ZSCAN12: variants seen among roughly 807,000 people sequenced by gnomAD.
The protein encoded by ZSCAN12 is zinc finger and SCAN domain containing 12.
A neutral mutation model predicts 23.4 loss-of-function variants in ZSCAN12; 18 were observed. That is an observed-to-expected ratio of 0.77 (90% CI 0.53 to 1.14). The LOEUF (loss-of-function observed/expected upper bound fraction) is 1.14, where lower values mean the gene tolerates loss of function less well. Among genes scored for constraint, ZSCAN12 ranks in the 50% most tolerant of loss-of-function variants. The pLI is 0.00. For missense variants in ZSCAN12, 650 were observed against 735.0 expected (o/e 0.88, Z 1.34); for synonymous variants, 186 against 253.4 (o/e 0.73, Z 2.53).
rs1371598100 is a variant in ZSCAN12, at chr6:28,391,657, ACTGGATGTCTTCC to A, written c.620_632del (p.Gly207ValfsTer22). 1.9e-6 allele frequency: 3 copies of A among 1,551,582 alleles called. No individual in the cohort carries two copies. In the Admixed American group the frequency reaches 5.9e-5, roughly 30 times the overall value. On this transcript the variant is annotated frameshift_variant, in exon 4 of 4. Coordinates refer to ENST00000684592, the MANE Select transcript of ZSCAN12 (RefSeq NM_001163391.2). LOFTEE classifies it low-confidence loss of function (END_TRUNC). This position sits in a 1 kb window ranked among gnomAD's most constrained non-coding sequence, Gnocchi z 4.1. ...ACTTGGACATATCATTTTCAAATTT[ACTGGATGTCTTCC>A]CATGTGGTTCCATTTCTTCAGAAAC...
At chr6:28,397,033 G>C (rs1157649773) in intron 2 of ZSCAN12, among the ~76,000 whole-genome samples, 1 of 152,082 alleles carries the variant, frequency 6.6e-6, no homozygotes, top group Non-Finnish European at 1.5e-5. Context: ...TTATACCGGG[G>C]TTTCCCAGCA....
Position 28,384,936 on chromosome 6 carries a change from A to G in ZSCAN12, c.*5518T>C, listed in dbSNP as rs957006626. Among the ~76,000 whole-genome samples the G allele has an allele frequency of 6.6e-6, 1 of 152,222 alleles. No homozygotes were observed. The highest frequency in any genetic ancestry group is 1.5e-5 in the Non-Finnish European group (1 of 68,038). ...AAAAGTTGGGAAGAGATTCAATTAA[A>G]GGCTATCGAATGATTATGTCTAGGT... On this transcript the variant is annotated 3_prime_UTR_variant, in exon 4 of 4. Transcript: ENST00000684592.
In ZSCAN12 at chr6:28,387,563, G is replaced by C. The variant is rs548601363; in HGVS notation, c.*2891C>G. On this transcript the variant is annotated 3_prime_UTR_variant, in exon 4 of 4. Coordinates refer to ENST00000684592, the MANE Select transcript of ZSCAN12 (RefSeq NM_001163391.2). ...GAGAAGAGTTTCTAACAGTGAAACA[G>C]CAAAAGAACTACCATAACTAACTCC... is the stretch of plus-strand genomic sequence containing the variant. 6.6e-6 allele frequency among the ~76,000 whole-genome samples: 1 copy of C among 152,304 alleles called. No homozygotes were observed. Among genetic ancestry groups the C allele is most frequent in the Admixed American group, 6.5e-5 (1 of 15,304 alleles).
intron 1 of ZSCAN12, 93 bp from the exon 2 acceptor site, chr6:28,398,566 T>A: frequency 1.5e-6 from 1 of 666,436 alleles, no homozygotes; most frequent in Non-Finnish European, 2.4e-6. Context: ...AAATCTGACC[T>A]CCGGATTAAT....
chr6:28,382,496 T>C, downstream of ZSCAN12: 1 of 1,551,896 alleles, frequency 6.4e-7, no homozygotes, highest in Non-Finnish European at 8.7e-7. Flanking sequence ...CTATTAGAGA[T>C]CTCTCCTGAA....
Position 28,389,223 on chromosome 6 carries a change from A to C in ZSCAN12, c.*1231T>G, listed in dbSNP as rs950882865. On this transcript the variant is annotated 3_prime_UTR_variant, in exon 4 of 4. Transcript: ENST00000684592. ...AGGCCCTCCCCTAAATAAACAAACAACACAAGGCCTTGCACTCAGAAGACC... is the reference window on the plus strand; with the variant it reads ...AGGCCCTCCCCTAAATAAACAAACACCACAAGGCCTTGCACTCAGAAGACC... Among the ~76,000 whole-genome samples, 1 of 152,154 alleles carries C rather than the reference A, an allele frequency of 6.6e-6. No individual in the cohort carries two copies. The highest frequency in any genetic ancestry group is 1.5e-5 in the Non-Finnish European group (1 of 68,028).
chr6:28,398,723 C>A (rs1761257045), intron 1 of ZSCAN12, among the ~76,000 whole-genome samples: 1 of 148,122 alleles, frequency 6.8e-6, no homozygotes, highest in Non-Finnish European at 1.5e-5. Context: ...CGAGACCATC[C>A]TGGCTAACAT....
chr6:28,393,095 C>T, intron 2 of ZSCAN12, 49 bp from the exon 3 acceptor site: 1 of 1,538,550 alleles, frequency 6.5e-7, no homozygotes, highest in Non-Finnish European at 8.8e-7. Context: ...TAACAGAAAA[C>T]AAAAAGTATA....
chr6:28,382,849 C>A (rs73742556), downstream of ZSCAN12, among the ~76,000 whole-genome samples: 2 of 152,058 alleles, frequency 1.3e-5, no homozygotes, highest in East Asian at 1.9e-4. Context: ...GGCTCCCCCC[C>A]ACTTCAAAAT....
At chr6:28,383,781 G>A (rs575757970), downstream of ZSCAN12, among the ~76,000 whole-genome samples, 1 of 152,310 alleles carries the variant, frequency 6.6e-6, no homozygotes, top group South Asian at 2.1e-4. Context: ...CAGCAGGAAA[G>A]TAAAAGTATA....
intron 2 of ZSCAN12, among the ~76,000 whole-genome samples, chr6:28,397,425 C>T (rs1306076230): frequency 6.6e-6 from 1 of 152,146 alleles, no homozygotes; most frequent in Non-Finnish European, 1.5e-5. Context: ...ATCTCAATTC[C>T]AGAGGTTGAG....
intron 2 of ZSCAN12, among the ~76,000 whole-genome samples, chr6:28,395,760 G>A (rs2113994398): frequency 6.6e-6 from 1 of 152,082 alleles, no homozygotes; most frequent in African/African-American, 2.4e-5. Context: ...TCTCCTCCTT[G>A]ACAACCACAT....
In ZSCAN12 at chr6:28,390,843, T is replaced by C. The variant is rs1378556292; in HGVS notation, c.1447A>G (p.Ser483Gly). The change falls in exon 4 of 4, where the codon AGT (serine) becomes GGT (glycine). Residue 483 changes from serine to glycine, a missense_variant. By Grantham distance (56) the Ser-to-Gly change is moderately conservative. Transcript: ENST00000684592. ...TGAATTCGCTGATGTTCTGTAAGACTTGTCCTTTGAATAAAGGCTTTTTCA... is the reference window on the plus strand; with the variant it reads ...TGAATTCGCTGATGTTCTGTAAGACCTGTCCTTTGAATAAAGGCTTTTTCA... Reference protein sequence around the residue: ...VCEKAFIQRTSLTEHQRIHTG... With the variant: ...VCEKAFIQRTGLTEHQRIHTG... 6.3e-7 allele frequency: 1 copy of C among 1,590,696 alleles called. No homozygotes were observed. Among genetic ancestry groups the C allele is most frequent in the Non-Finnish European group, 8.6e-7 (1 of 1,167,850 alleles).
At chr6:28,381,210 A>T (rs887774854), downstream of ZSCAN12, 15 of 152,262 alleles carry the variant, frequency 9.9e-5, no homozygotes, top group African/African-American at 3.4e-4. Flanking sequence ...CATGAAACCA[A>T]GAGAAAGTTT....
In ZSCAN12 at chr6:28,398,004, C is replaced by T. The variant is rs373273530; in HGVS notation, c.402G>A (p.Gln134=). 5.9e-5 allele frequency: 92 copies of T among 1,568,628 alleles called. No homozygotes were observed. The highest frequency in any genetic ancestry group is 2.3e-5 in the Non-Finnish European group (27 of 1,160,442). ...LERELDEPGE[Q]VSVHTGEQEM... The stretch of plus-strand genomic sequence containing the variant: ...GCAGAAGTCACATCTTTTTTCTCAC[C>T]TGCTCTCCTGGTTCATCCAGTTCTC... Residue 134 remains glutamine, a splice_region_variant and synonymous_variant, in exon 2 of 4, where the codon CAG becomes CAA. Transcript: ENST00000684592.
In ZSCAN12 at chr6:28,391,510, G is replaced by A. The variant is rs1164680500; in HGVS notation, c.780C>T (p.Asp260=). The change falls in exon 4 of 4, where the codon GAC becomes GAT. Residue 260 remains aspartate, a synonymous_variant. Coordinates refer to ENST00000684592, the MANE Select transcript of ZSCAN12 (RefSeq NM_001163391.2). This position sits in a 1 kb window ranked among gnomAD's most constrained non-coding sequence, Gnocchi z 4.1. Reference sequence around the variant, plus strand: ...GACAGATTCTCTGATGTTCAGTATGGTCAGAGTTCTCAGTCAGGCTTACTC... The same window carrying A: ...GACAGATTCTCTGATGTTCAGTATGATCAGAGTTCTCAGTCAGGCTTACTC... The part of the protein sequence containing the change: ...ENGVSLTENS[D]HTEHQRICPG... 1.3e-6 allele frequency: 2 copies of A among 1,551,880 alleles called. No homozygotes were observed. The highest frequency in any genetic ancestry group is 2.7e-5 in the African/African-American group (2 of 73,040).
downstream of ZSCAN12, chr6:28,379,764 T>C (rs1452206406): frequency 2.0e-5 from 3 of 152,176 alleles, no homozygotes; most frequent in Admixed American, 6.5e-5. Context: ...AAACATGATA[T>C]ATGTGATTTT....
At chr6:28,396,272 C>T (rs888309479) in intron 2 of ZSCAN12, among the ~76,000 whole-genome samples, 2 of 151,892 alleles carry the variant, frequency 1.3e-5, no homozygotes, top group African/African-American at 4.8e-5. Context: ...GGACCAGAAC[C>T]TACATGAGAG....
chr6:28,391,482 C>T lies in ZSCAN12; in HGVS notation c.808G>A (p.Gly270Arg). 1 of 1,551,912 alleles carries T rather than the reference C, an allele frequency of 6.4e-7. No individual in the cohort carries two copies. The highest frequency in any genetic ancestry group is 8.7e-7 in the Non-Finnish European group (1 of 1,147,052). Residue 270 changes from glycine (G) to arginine (R), a missense_variant, in exon 4 of 4, where the codon GGA becomes AGA. By Grantham distance (125) the Gly-to-Arg change is moderately radical. Transcript: ENST00000684592. The surrounding 1 kb of genome is among the most constrained non-coding windows in gnomAD (Gnocchi z 4.1). Reference sequence around the variant, plus strand: ...TCATCACATCCGTAAGATTCTTCTCCTGGACAGATTCTCTGATGTTCAGTA... The same window carrying T: ...TCATCACATCCGTAAGATTCTTCTCTTGGACAGATTCTCTGATGTTCAGTA... ...DHTEHQRICPGEESYGCDDCG... is the reference protein window; with the variant it reads ...DHTEHQRICPREESYGCDDCG...
Sources: allele counts gnomAD v4.1 joint callset (sites outside exome capture counted in the v4.1 genomes callset), GRCh38; gene constraint gnomAD v4.1.1; non-coding constraint Gnocchi (gnomAD v3.1); transcripts MANE v1.5; gene names NCBI Gene and HGNC (gene_info 2026-07-23, HGNC 2026-07-21).